Variants in SCFD2 observed in about 807,000 individuals in gnomAD.
The protein encoded by SCFD2 is sec1 family domain-containing protein 2.
A neutral mutation model predicts 58.9 loss-of-function variants in SCFD2; 54 were observed. That is an observed-to-expected ratio of 0.92 (90% CI 0.74 to 1.15). The LOEUF is 1.15. Among genes scored for constraint, SCFD2 ranks in the 50% most tolerant of loss-of-function variants. The pLI is 0.00. For synonymous variants in SCFD2, 321 were observed against 335.9 expected (o/e 0.96, Z 0.49); for missense variants, 805 against 836.6 (o/e 0.96, Z 0.47).
At chr4:52,940,116 T>C (rs1485930320) in intron 5 of SCFD2, among the ~76,000 whole-genome samples, 1 of 152,228 alleles carries the variant, frequency 6.6e-6, no homozygotes, top group African/African-American at 2.4e-5. Context: ...GTCACATTTA[T>C]CAGAACTTTA....
At chr4:53,157,102 A>G (rs1040271757) in intron 4 of SCFD2, among the ~76,000 whole-genome samples, 3 of 152,198 alleles carry the variant, frequency 2.0e-5, no homozygotes, top group African/African-American at 7.2e-5. Flanking sequence ...CAGATGATCT[A>G]TTCTTAAAAA....
intron 4 of SCFD2, among the ~76,000 whole-genome samples, chr4:53,254,860 A>ATTTTATTTAT (rs375734244): frequency 4.2e-5 from 2 of 47,514 alleles, no homozygotes; most frequent in Admixed American, 2.6e-4. Context: ...ATTTTATTTT[A>ATTTTATTTAT]TTTATTTTAT....
intron 7 of SCFD2, among the ~76,000 whole-genome samples, chr4:52,888,967 T>C (rs569312675): frequency 6.6e-6 from 1 of 152,302 alleles, no homozygotes; most frequent in African/African-American, 2.4e-5. Context: ...TCCATGATCT[T>C]TTCCCCAAAA....
chr4:53,239,141 G>A lies in SCFD2; in HGVS notation c.1311+34685C>T, dbSNP rs186683843. On this transcript the variant is annotated intron_variant, in intron 4 of 8. Transcript: ENST00000401642. Reference sequence around the variant, plus strand: ...CAGGAGGCCGAGGCTGGTGGATCACGTGCGGTTAGGGGCTGGAGACTGGCC... The same window carrying A: ...CAGGAGGCCGAGGCTGGTGGATCACATGCGGTTAGGGGCTGGAGACTGGCC... Among the ~76,000 whole-genome samples, 1,273 of 151,102 alleles carry A rather than the reference G, an allele frequency of 8.4e-3. 10 individuals are homozygous for A. Among genetic ancestry groups the A allele is most frequent in the African/African-American group, 0.029 (1,207 of 41,070 alleles).
intron 5 of SCFD2, among the ~76,000 whole-genome samples, chr4:53,022,271 A>G (rs1722367685): frequency 6.6e-6 from 1 of 152,196 alleles, no homozygotes; most frequent in Non-Finnish European, 1.5e-5. Flanking sequence ...TTTTAAATTG[A>G]TAGTGACAAA....
chr4:53,229,886 A>G (rs537749249), intron 4 of SCFD2, among the ~76,000 whole-genome samples: 525 of 152,326 alleles, frequency 3.4e-3, no homozygotes, highest in Non-Finnish European at 6.0e-3. Flanking sequence ...ACAAAGGGCT[A>G]ATATCCAGAA....
intron 5 of SCFD2, among the ~76,000 whole-genome samples, chr4:52,934,580 C>G (rs907990601): frequency 6.6e-6 from 1 of 152,186 alleles, no homozygotes; most frequent in African/African-American, 2.4e-5. Flanking sequence ...CTAGGAATTG[C>G]AGCTCCTAGA....
chr4:53,272,214 G>A (rs998273992), intron 4 of SCFD2, among the ~76,000 whole-genome samples: 2 of 152,124 alleles, frequency 1.3e-5, no homozygotes, highest in African/African-American at 4.8e-5. Flanking sequence ...ACAGGTGCTG[G>A]AAAGGATGTG....
intron 4 of SCFD2, 56 bp downstream of exon 4, chr4:53,273,770 T>G (rs1731246262): frequency 1.4e-6 from 2 of 1,447,568 alleles, no homozygotes; most frequent in South Asian, 2.7e-5. Flanking sequence ...AAGGTTTTTC[T>G]CTGGAAGTCA....
At chr4:53,315,771 G>A (rs1732843772) in intron 2 of SCFD2, among the ~76,000 whole-genome samples, 1 of 152,014 alleles carries the variant, frequency 6.6e-6, no homozygotes, top group South Asian at 2.1e-4. Context: ...AAGTCTCAAC[G>A]CAACCCAGAA....
At chr4:52,979,965 CTT>C (rs1236461790) in intron 5 of SCFD2, among the ~76,000 whole-genome samples, 2 of 152,266 alleles carry the variant, frequency 1.3e-5, no homozygotes, top group African/African-American at 2.4e-5. Flanking sequence ...TGGATTACCT[CTT>C]GTCTTGTTCT....
chr4:53,340,387 C>A (rs1196796739), intron 2 of SCFD2, among the ~76,000 whole-genome samples: 1 of 152,184 alleles, frequency 6.6e-6, no homozygotes, highest in African/African-American at 2.4e-5. Flanking sequence ...TGAGATCAAA[C>A]TACAAGGCGG....
At chr4:53,084,635 C>T (rs1268322032) in intron 5 of SCFD2, among the ~76,000 whole-genome samples, 1 of 152,154 alleles carries the variant, frequency 6.6e-6, no homozygotes, top group Non-Finnish European at 1.5e-5. Flanking sequence ...ATTTATGTTC[C>T]TCTGCTGTGG....
chr4:53,211,369 C>T (rs1450588627), intron 4 of SCFD2, among the ~76,000 whole-genome samples: 1 of 152,086 alleles, frequency 6.6e-6, no homozygotes, highest in African/African-American at 2.4e-5. Flanking sequence ...CCATACCTTG[C>T]GTTACACATC....
chr4:52,918,079 C>T (rs538781419), intron 6 of SCFD2, among the ~76,000 whole-genome samples: 1 of 152,250 alleles, frequency 6.6e-6, no homozygotes, highest in East Asian at 1.9e-4. Context: ...TCCCACGTGA[C>T]CAGGGAGCCC....
chr4:53,331,832 A>G (rs2149133242), intron 2 of SCFD2, among the ~76,000 whole-genome samples: 1 of 152,320 alleles, frequency 6.6e-6, no homozygotes, highest in East Asian at 1.9e-4. Flanking sequence ...AAGATCAACA[A>G]AATTGATAGA....
rs1041341461 is a variant in SCFD2 at position 53,352,458 on chromosome 4, T to G, written c.1007+140A>C. On this transcript the variant is annotated intron_variant, in intron 2 of 8. Coordinates refer to ENST00000401642, the MANE Select transcript of SCFD2 (RefSeq NM_152540.4). ...TTATTTCAAAATTAAGAAAAAATGC[T>G]TTTTGCTAAATGCTACCCACTGTGA... 7.0e-6 allele frequency: 4 copies of G among 571,742 alleles called. No individual in the cohort carries two copies. The Admixed American group carries it at 1.0e-4, about 15-fold the overall frequency. 35.4% of individuals were successfully genotyped at this position (571,742 alleles called of 1,614,324 possible). A position where few individuals can be genotyped will look rare whatever the true frequency, so the allele number is the denominator to read the frequency against.
chr4:52,940,370 A>G (rs1455182164), intron 5 of SCFD2, among the ~76,000 whole-genome samples: 1 of 152,300 alleles, frequency 6.6e-6, no homozygotes, highest in South Asian at 2.1e-4. Context: ...GGAAATTAAG[A>G]AATAAATGGC....
intron 5 of SCFD2, among the ~76,000 whole-genome samples, chr4:52,925,259 G>A (rs371975395): frequency 1.2e-4 from 17 of 147,502 alleles, no homozygotes; most frequent in African/African-American, 2.2e-4. Flanking sequence ...GGCCACATGT[G>A]TATATATATA....
Sources: gnomAD v4.1 joint callset for allele counts (sites outside exome capture counted in the v4.1 genomes callset) on GRCh38, gnomAD v4.1.1 for gene constraint, MANE v1.5 for transcripts, NCBI Gene and HGNC (gene_info 2026-07-23, HGNC 2026-07-21) for gene names.